Variants in CSMD1 observed in about 807,000 individuals in gnomAD.
The protein encoded by CSMD1 is CUB and Sushi multiple domains 1, also known as CUB and sushi domain-containing protein 1.
A neutral mutation model predicts 417.5 loss-of-function variants in CSMD1; 213 were observed. The observed-to-expected ratio is 0.51, with a 90% CI of 0.46 to 0.57. The LOEUF (loss-of-function observed/expected upper bound fraction) is 0.57, where lower values mean the gene tolerates loss of function less well. Ranked by LOEUF, CSMD1 falls within the 20% of genes least tolerant of loss-of-function variation. The probability of loss-of-function intolerance (pLI) is 0.00; values close to 1 mark genes in which losing one functional copy is unlikely to be tolerated. For missense variants in CSMD1, 6,923 were observed against 4,529.7 expected (o/e 1.53, Z -15.17); for synonymous variants, 2,862 against 1,736.8 (o/e 1.65, Z -16.11).
At chr8:4,343,405 G>T (rs980336443) in intron 3 of CSMD1, among the ~76,000 whole-genome samples, 7 of 151,970 alleles carry the variant, frequency 4.6e-5, no homozygotes, top group Admixed American at 1.3e-4. Context: ...GACCTTAAGT[G>T]TTGTAACCAT....
chr8:4,178,299 C>G (rs1189981047), intron 3 of CSMD1, among the ~76,000 whole-genome samples: 3 of 151,606 alleles, frequency 2.0e-5, no homozygotes, highest in Non-Finnish European at 4.4e-5. Flanking sequence ...TAAATGTAAT[C>G]CAGCATATAA....
At chr8:4,372,907 C>T (rs1802482790) in intron 3 of CSMD1, among the ~76,000 whole-genome samples, 1 of 152,196 alleles carries the variant, frequency 6.6e-6, no homozygotes, top group Non-Finnish European at 1.5e-5. Flanking sequence ...GTGTAACTCC[C>T]CATCCCTTAA....
chr8:3,824,807 T>C (rs1241609894), intron 5 of CSMD1, among the ~76,000 whole-genome samples: 1 of 152,072 alleles, frequency 6.6e-6, no homozygotes, highest in Non-Finnish European at 1.5e-5. Context: ...TCTAAACTGA[T>C]GGATGAGCAA....
In CSMD1 at chr8:4,809,804, G is replaced by A. The variant is rs879707183; in HGVS notation, c.86-172246C>T. On this transcript the variant is annotated intron_variant, in intron 1 of 69. Transcript: ENST00000635120. Reference sequence around the variant, plus strand: ...ATTTGAAATATACTGTGTATTTTATGCTTCTAGTACATATCATTGTGGACC... The same window carrying A: ...ATTTGAAATATACTGTGTATTTTATACTTCTAGTACATATCATTGTGGACC... Among the ~76,000 whole-genome samples the A allele has an allele frequency of 2.0e-5, 3 of 152,084 alleles. No homozygotes were observed. In the East Asian group the frequency reaches 5.8e-4, roughly 29 times the overall value.
At chr8:4,105,367 A>G (rs927237788) in intron 3 of CSMD1, among the ~76,000 whole-genome samples, 10 of 152,210 alleles carry the variant, frequency 6.6e-5, no homozygotes, top group Middle Eastern at 6.8e-3. Context: ...TGTGCTTTAG[A>G]CATGTAACTA....
At chr8:3,562,617 T>C (rs1160536420) in intron 10 of CSMD1, among the ~76,000 whole-genome samples, 7 of 152,054 alleles carry the variant, frequency 4.6e-5, no homozygotes, top group Non-Finnish European at 1.0e-4. Context: ...TTTCTAGAAA[T>C]TTTTCTGAAG....
At chr8:3,594,734 C>T (rs1352536511) in intron 8 of CSMD1, among the ~76,000 whole-genome samples, 1 of 152,132 alleles carries the variant, frequency 6.6e-6, no homozygotes, top group Non-Finnish European at 1.5e-5. Context: ...GATATTAACA[C>T]AAAGCACAGA....
intron 3 of CSMD1, among the ~76,000 whole-genome samples, chr8:4,140,828 A>G (rs181086237): frequency 2.7e-5 from 4 of 150,828 alleles, no homozygotes; most frequent in Admixed American, 2.6e-4. Flanking sequence ...CAGCACCCTC[A>G]CTCCAGGTTT....
intron 2 of CSMD1, among the ~76,000 whole-genome samples, chr8:4,507,835 T>TTGGTC (rs1469863998): frequency 2.0e-5 from 3 of 152,134 alleles, no homozygotes; most frequent in Non-Finnish European, 4.4e-5. Flanking sequence ...AAAGGTTTCT[T>TTGGTC]TGGAGCTGAA....
At chr8:3,205,749 T>C in intron 30 of CSMD1, 129 bp from the exon 31 acceptor site, 1 of 488,628 alleles carries the variant, frequency 2.0e-6, no homozygotes, top group Non-Finnish European at 3.6e-6. Flanking sequence ...GAAGTTAAAA[T>C]CTTGTTTTGC....
rs148508078 is a variant in CSMD1, at chr8:3,674,697, T to C, written c.1009+33717A>G. On this transcript the variant is annotated intron_variant, in intron 7 of 69. Coordinates refer to ENST00000635120, the MANE Select transcript of CSMD1 (RefSeq NM_033225.6). ...CCATATAACCAGCAGAGGCAGAGAA[T>C]GAGATGAGAGCCCCAGTCTTGCTGA... Among the ~76,000 whole-genome samples, 5 of 152,232 alleles carry C rather than the reference T, an allele frequency of 3.3e-5. No homozygotes were observed. The East Asian group carries it at 9.7e-4, about 29-fold the overall frequency.
intron 3 of CSMD1, among the ~76,000 whole-genome samples, chr8:4,322,880 G>C (rs1799347271): frequency 6.6e-6 from 1 of 152,178 alleles, no homozygotes; most frequent in Non-Finnish European, 1.5e-5. Flanking sequence ...AGCTACTCAG[G>C]AGGCTGAGGC....
chr8:3,151,360 A>G lies in CSMD1; in HGVS notation c.6031+37T>C, dbSNP rs779179284. 2.9e-6 allele frequency: 4 copies of G among 1,356,924 alleles called. No individual in the cohort carries two copies. In the East Asian group the frequency reaches 9.4e-5, roughly 32 times the overall value. 84.1% of individuals were successfully genotyped at this position (1,356,924 alleles called of 1,614,324 possible). On this transcript the variant is annotated intron_variant, in intron 40 of 69. Transcript: ENST00000635120. The stretch of plus-strand genomic sequence containing the variant: ...ATTCTTTCCAAGATGGAAATGAAAA[A>G]AATGAACTTTTAGGAATTGGTAACA...
intron 3 of CSMD1, among the ~76,000 whole-genome samples, chr8:4,144,131 A>G (rs534128279): frequency 3.2e-4 from 49 of 151,192 alleles, no homozygotes; most frequent in Middle Eastern, 6.8e-3. Flanking sequence ...CCCTGCCCCC[A>G]GACCCAGATG....
intron 2 of CSMD1, among the ~76,000 whole-genome samples, chr8:4,429,432 G>A (rs918152832): frequency 6.6e-6 from 1 of 152,084 alleles, no homozygotes; most frequent in African/African-American, 2.4e-5. Flanking sequence ...TTCACACAAT[G>A]TTTTGTGAAC....
intron 3 of CSMD1, among the ~76,000 whole-genome samples, chr8:4,200,867 A>C (rs1193067139): frequency 6.6e-6 from 1 of 151,672 alleles, no homozygotes; most frequent in Non-Finnish European, 1.5e-5. Context: ...CAAAATAATG[A>C]TGATAATAAT....
intron 10 of CSMD1, among the ~76,000 whole-genome samples, chr8:3,544,124 C>A (rs768526438): frequency 3.3e-5 from 5 of 152,032 alleles, no homozygotes; most frequent in African/African-American, 9.7e-5. Context: ...CTTGGTAAAA[C>A]GAGCCTGGGA....
chr8:4,145,588 C>A (rs898551601), intron 3 of CSMD1, among the ~76,000 whole-genome samples: 1 of 150,826 alleles, frequency 6.6e-6, no homozygotes, highest in Non-Finnish European at 1.5e-5. Flanking sequence ...ACGGTCTCAC[C>A]ATGTTGCATG....
chr8:4,188,814 G>A (rs1346414396), intron 3 of CSMD1, among the ~76,000 whole-genome samples: 2 of 151,090 alleles, frequency 1.3e-5, no homozygotes, highest in African/African-American at 4.9e-5. Flanking sequence ...TATGGGGGAG[G>A]ATGGTAATTG....
Sources: allele counts gnomAD v4.1 joint callset (sites outside exome capture counted in the v4.1 genomes callset), GRCh38; gene constraint gnomAD v4.1.1; transcripts MANE v1.5; gene names NCBI Gene and HGNC (gene_info 2026-07-23, HGNC 2026-07-21).